EYS: variants seen among roughly 807,000 people sequenced by gnomAD.
The protein encoded by EYS is EGF-like photoreceptor maintenance factor.
In EYS, 250 loss-of-function variants were observed where a neutral mutation model predicts 282.1. That is an observed-to-expected ratio of 0.89 (90% CI 0.80 to 0.98). The LOEUF is 0.98. Ranked by LOEUF, EYS falls within the 50% of genes least tolerant of loss-of-function variation. The pLI, the probability that EYS is intolerant of heterozygous loss-of-function variation, is 0.00. For synonymous variants in EYS, 1,355 were observed against 1,282.9 expected, an observed-to-expected ratio of 1.06 and a Z score of -1.20; for missense variants, 4,016 against 3,709.0, an observed-to-expected ratio of 1.08 and a Z score of -2.15.
At chr6:64,005,343 A>T (rs924756991) in intron 33 of EYS, among the ~76,000 whole-genome samples, 1 of 152,042 alleles carries the variant, frequency 6.6e-6, no homozygotes, top group African/African-American at 2.4e-5. Flanking sequence ...TTGTTAACTT[A>T]AGTTCCTTAC....
At chr6:65,037,157 T>C (rs1021975772) in intron 13 of EYS, among the ~76,000 whole-genome samples, 2 of 151,840 alleles carry the variant, frequency 1.3e-5, no homozygotes, top group Non-Finnish European at 2.9e-5. Context: ...ATATTCTTTG[T>C]AGCAATATGG....
At chr6:64,405,928 T>C (rs1312793553) in intron 28 of EYS, among the ~76,000 whole-genome samples, 1 of 152,098 alleles carries the variant, frequency 6.6e-6, no homozygotes, top group African/African-American at 2.4e-5. Flanking sequence ...AAGCTACCAT[T>C]GACTTTCTTC....
At chr6:65,705,159 C>G (rs1769830480) in intron 1 of EYS, among the ~76,000 whole-genome samples, 1 of 152,146 alleles carries the variant, frequency 6.6e-6, no homozygotes, top group African/African-American at 2.4e-5. Flanking sequence ...CCTCTGCAAG[C>G]ATACATGATT....
chr6:63,945,232 C>G (rs946942921), intron 35 of EYS, among the ~76,000 whole-genome samples: 6 of 152,016 alleles, frequency 3.9e-5, no homozygotes, highest in African/African-American at 1.4e-4. Flanking sequence ...GGGAACACAT[C>G]CTTCTCCACA....
chr6:64,334,748 C>A (rs1405664281), intron 29 of EYS, among the ~76,000 whole-genome samples: 1 of 152,100 alleles, frequency 6.6e-6, no homozygotes, highest in Non-Finnish European at 1.5e-5. Context: ...AAGCTTAATT[C>A]AATGAATTGC....
At chr6:64,905,013 G>A (rs755720027) in intron 16 of EYS, among the ~76,000 whole-genome samples, 21 of 152,280 alleles carry the variant, frequency 1.4e-4, no homozygotes, top group Non-Finnish European at 2.2e-4. Context: ...TTTTAAGAGC[G>A]AAGTATGCAT....
chr6:65,029,430 C>CAT (rs1772528359), intron 13 of EYS, among the ~76,000 whole-genome samples: 2 of 152,148 alleles, frequency 1.3e-5, no homozygotes. Context: ...CATATACACT[C>CAT]ATATCAGATT....
intron 33 of EYS, among the ~76,000 whole-genome samples, chr6:64,044,090 T>C (rs1007551231): frequency 1.3e-5 from 2 of 152,236 alleles, no homozygotes; most frequent in Admixed American, 6.5e-5. Context: ...TTGTGCATGT[T>C]AATATGTCAT....
intron 2 of EYS, among the ~76,000 whole-genome samples, chr6:65,584,341 G>A (rs763119161): frequency 1.3e-5 from 2 of 152,002 alleles, no homozygotes; most frequent in African/African-American, 4.8e-5. Flanking sequence ...AGGTAAAATG[G>A]AACAGGAGAA....
intron 13 of EYS, among the ~76,000 whole-genome samples, chr6:65,004,103 T>A (rs1467247273): frequency 6.8e-6 from 1 of 147,492 alleles, no homozygotes; most frequent in African/African-American, 2.4e-5. Context: ...ATGTATAAAA[T>A]AGGCTAAACT....
intron 15 of EYS, among the ~76,000 whole-genome samples, chr6:64,920,041 G>T (rs182936121): frequency 1.3e-5 from 2 of 151,822 alleles, no homozygotes; most frequent in African/African-American, 4.8e-5. Flanking sequence ...AACATATGCC[G>T]TACAGTGAGA....
chr6:64,305,928 C>A (rs1343808688), intron 30 of EYS, among the ~76,000 whole-genome samples: 1 of 152,050 alleles, frequency 6.6e-6, no homozygotes, highest in Non-Finnish European at 1.5e-5. Flanking sequence ...AATATATTAA[C>A]AGAGTATAAA....
intron 36 of EYS, among the ~76,000 whole-genome samples, chr6:63,850,066 A>G (rs1248761896): frequency 6.6e-6 from 1 of 152,196 alleles, no homozygotes; most frequent in Non-Finnish European, 1.5e-5. Flanking sequence ...CAAGTGGAAG[A>G]AAGGATATCA....
intron 36 of EYS, among the ~76,000 whole-genome samples, chr6:63,828,773 G>T (rs756908464): frequency 1.3e-5 from 2 of 152,168 alleles, no homozygotes; most frequent in Non-Finnish European, 2.9e-5. Flanking sequence ...CTATACTCCT[G>T]CAAGAATGGC....
In EYS at chr6:65,410,454, A is replaced by G. The variant is rs950327225; in HGVS notation, c.863-5087T>C. ...GTAATATATAGCACCTTACTTAAGCATAGTCACTCTGTGCAATCAAACAGC... is the reference window on the plus strand; with the variant it reads ...GTAATATATAGCACCTTACTTAAGCGTAGTCACTCTGTGCAATCAAACAGC... On this transcript the variant is annotated intron_variant, in intron 5 of 42. Transcript: ENST00000503581. 1.9e-4 allele frequency among the ~76,000 whole-genome samples: 29 copies of G among 152,016 alleles called. 1 individual carries two copies. The highest frequency in any genetic ancestry group is 6.8e-4 in the African/African-American group (28 of 41,434).
intron 12 of EYS, among the ~76,000 whole-genome samples, chr6:65,171,110 T>G (rs1765095047): frequency 6.6e-6 from 1 of 151,528 alleles, no homozygotes; most frequent in Non-Finnish European, 1.5e-5. Flanking sequence ...GTGTACTAAT[T>G]ATCTGTTACT....
Position 64,130,020 on chromosome 6 carries a change from T to G in EYS, c.6425-48018A>C, listed in dbSNP as rs545803991. ...GTTTTGGTACCAGTACCATGCTGTT[T>G]TGGTTACTGTAGCCTTGTAGTATAG... On this transcript the variant is annotated intron_variant, in intron 31 of 42. Transcript: ENST00000503581. 7.9e-5 allele frequency among the ~76,000 whole-genome samples: 12 copies of G among 152,316 alleles called. No individual in the cohort carries two copies. In the South Asian group the frequency reaches 8.3e-4, roughly 11 times the overall value.
rs1769208793 is a variant in EYS at position 65,690,645 on chromosome 6, T to C, written c.-448+16490A>G. ...CAATAATCAGGAGCATTTCATCTTT[T>C]ATTCCGTAGCAATAGTTTCACGGGG... On this transcript the variant is annotated intron_variant, in intron 1 of 42. Coordinates refer to ENST00000503581, the MANE Select transcript of EYS (RefSeq NM_001142800.2). Among the ~76,000 whole-genome samples, 2 of 149,892 alleles carry C rather than the reference T, an allele frequency of 1.3e-5. 1 individual carries two copies. Among genetic ancestry groups the C allele is most frequent in the South Asian group, 4.3e-4 (2 of 4,658 alleles).
intron 22 of EYS, among the ~76,000 whole-genome samples, chr6:64,748,252 T>A (rs16895760): frequency 6.6e-6 from 1 of 152,224 alleles, no homozygotes; most frequent in African/African-American, 2.4e-5. Flanking sequence ...ACATTTCAAA[T>A]ATGCTGGCAT....
Sources: allele counts gnomAD v4.1 joint callset (sites outside exome capture counted in the v4.1 genomes callset), GRCh38; gene constraint gnomAD v4.1.1; transcripts MANE v1.5; gene names NCBI Gene and HGNC (gene_info 2026-07-23, HGNC 2026-07-21).